Variants in CYP3A7 observed in about 807,000 individuals in gnomAD.
The protein encoded by CYP3A7 is cytochrome P450 3A7.
In CYP3A7, 45 loss-of-function variants were observed where a neutral mutation model predicts 55.2. The ratio of observed to expected loss-of-function variants is 0.82; its 90% CI spans 0.64 to 1.05. The LOEUF (loss-of-function observed/expected upper bound fraction) is 1.05. Ranked by LOEUF, CYP3A7 falls within the 50% of genes least tolerant of loss-of-function variation. The probability of loss-of-function intolerance (pLI) is 0.00; values close to 1 mark genes in which losing one functional copy is unlikely to be tolerated. For missense variants in CYP3A7, 548 were observed against 605.3 expected, an observed-to-expected ratio of 0.91 and a Z score of 0.99; for synonymous variants, 180 against 207.4, an observed-to-expected ratio of 0.87 and a Z score of 1.13.
At chr7:99,713,781 T>G (rs1417473031) in intron 8 of CYP3A7, among the ~76,000 whole-genome samples, 2 of 152,220 alleles carry the variant, frequency 1.3e-5, no homozygotes, top group Non-Finnish European at 2.9e-5. Context: ...TGGTCCTAAC[T>G]GCATACCCAT....
intron 7 of CYP3A7, 34 bp from the exon 8 acceptor site, chr7:99,714,716 C>G: frequency 6.2e-7 from 1 of 1,602,458 alleles, no homozygotes; most frequent in Non-Finnish European, 8.5e-7. Context: ...AAAACGAAAC[C>G]ATTGTGAACA....
In CYP3A7 at chr7:99,728,756, G is replaced by C. The variant is rs151115280; in HGVS notation, c.165+2303C>G. ...AGTTATTCCTCTAATCCCTCTACTTGTAGGGTTAGGACTTTCTGCTTCCAC... is the reference window on the plus strand; with the variant it reads ...AGTTATTCCTCTAATCCCTCTACTTCTAGGGTTAGGACTTTCTGCTTCCAC... On this transcript the variant is annotated intron_variant, in intron 2 of 12. Coordinates refer to ENST00000336374, the MANE Select transcript of CYP3A7 (RefSeq NM_000765.5). Among the ~76,000 whole-genome samples the C allele has an allele frequency of 3.3e-4, 50 of 152,252 alleles. No homozygotes were observed. The East Asian group carries it at 8.3e-3, about 25-fold the overall frequency.
rs376110902 is a variant in CYP3A7 at position 99,709,294 on chromosome 7, A to C, written c.1027-33T>G. ...GAAAGAAACAGATTTGGATAAATTGAGATTTTTGAATTAACTTTTAACTCA... is the reference window on the plus strand; with the variant it reads ...GAAAGAAACAGATTTGGATAAATTGCGATTTTTGAATTAACTTTTAACTCA... On this transcript the variant is annotated intron_variant, in intron 10 of 12. Coordinates refer to ENST00000336374, the MANE Select transcript of CYP3A7 (RefSeq NM_000765.5). 26 of 1,605,186 alleles carry C rather than the reference A, an allele frequency of 1.6e-5. No homozygotes were observed. In the South Asian group the frequency reaches 2.7e-4, roughly 16 times the overall value.
At chr7:99,715,716 T>C in intron 7 of CYP3A7, 42 bp downstream of exon 7, 1 of 1,613,204 alleles carries the variant, frequency 6.2e-7, no homozygotes, top group South Asian at 1.1e-5. Context: ...AGCAGTTATT[T>C]TTAAGAGAGA....
At chr7:99,716,302 C>T (rs991320655) in intron 6 of CYP3A7, among the ~76,000 whole-genome samples, 3 of 152,150 alleles carry the variant, frequency 2.0e-5, no homozygotes, top group Admixed American at 6.5e-5. Flanking sequence ...AGACAGGTGA[C>T]ATTGCCTGAC....
chr7:99,711,544 G>A (rs1041802235), intron 9 of CYP3A7, among the ~76,000 whole-genome samples: 32 of 152,248 alleles, frequency 2.1e-4, no homozygotes, highest in East Asian at 5.8e-4. Context: ...CAAGGTGGGT[G>A]GATCACCCGA....
chr7:99,719,099 T>C (rs1262571335), intron 4 of CYP3A7, among the ~76,000 whole-genome samples: 2 of 152,202 alleles, frequency 1.3e-5, no homozygotes, highest in Non-Finnish European at 1.5e-5. Flanking sequence ...TACATTTAAT[T>C]CAATTCTTGT....
At chr7:99,723,557 C>G (rs1814291227) in intron 2 of CYP3A7, among the ~76,000 whole-genome samples, 1 of 152,156 alleles carries the variant, frequency 6.6e-6, no homozygotes, top group African/African-American at 2.4e-5. Context: ...GTGGTCTCTT[C>G]ACATGGACGC....
intron 6 of CYP3A7, 56 bp from the exon 7 acceptor site, chr7:99,715,962 C>G (rs533367240): frequency 1.2e-6 from 2 of 1,611,926 alleles, no homozygotes; most frequent in East Asian, 2.2e-5. Context: ...CATCCTTCCT[C>G]TATGCGTGCA....
chr7:99,715,726 AG>A, intron 7 of CYP3A7, 31 bp downstream of exon 7: 1 of 1,613,444 alleles, frequency 6.2e-7, no homozygotes, highest in Non-Finnish European at 8.5e-7. Context: ...TTTAAGAGAG[AG>A]GGAGAGAAAA....
chr7:99,723,906 C>T (rs537511238), intron 2 of CYP3A7, among the ~76,000 whole-genome samples: 1 of 152,304 alleles, frequency 6.6e-6, no homozygotes, highest in African/African-American at 2.4e-5. Context: ...AAATCACTGC[C>T]AGGACACCTG....
Position 99,714,602 on chromosome 7 carries a change from T to C in CYP3A7, c.751A>G (p.Lys251Glu), listed in dbSNP as rs753650723. 6.2e-7 allele frequency: 1 copy of C among 1,613,446 alleles called. No individual in the cohort carries two copies. The highest frequency in any genetic ancestry group is 8.5e-7 in the Non-Finnish European group (1 of 1,179,632). Residue 251 changes from lysine to glutamate, a missense_variant, in exon 8 of 13, where the codon AAA (lysine) becomes GAA (glutamate). Coordinates refer to ENST00000336374, the MANE Select transcript of CYP3A7 (RefSeq NM_000765.5). Reference sequence around the variant, plus strand: ...CCTTCTTTTATCTGTTTTACAGATTTTGTTAGAAAACTTATAACTTTTCTT... The same window carrying C: ...CCTTCTTTTATCTGTTTTACAGATTCTGTTAGAAAACTTATAACTTTTCTT... ...FPRKVISFLT[K>E]SVKQIKEGRL...
chr7:99,716,371 T>C (rs559226945), intron 6 of CYP3A7, among the ~76,000 whole-genome samples: 16 of 152,210 alleles, frequency 1.1e-4, no homozygotes, highest in Non-Finnish European at 2.2e-4. Context: ...AACAGTACCA[T>C]GTCCTGAGCT....
At chr7:99,730,963 T>G in intron 2 of CYP3A7, 96 bp downstream of exon 2, 1 of 1,498,330 alleles carries the variant, frequency 6.7e-7, no homozygotes, top group Non-Finnish European at 9.2e-7. Flanking sequence ...GTATAAAATC[T>G]CAGACCTTCC....
Position 99,714,717 on chromosome 7 carries a change from A to G in CYP3A7, c.671-35T>C, listed in dbSNP as rs1244889918. The G allele has an allele frequency of 2.5e-6, 4 of 1,603,324 alleles. No homozygotes were observed. The African/African-American group carries it at 4.0e-5, about 16-fold the overall frequency. On this transcript the variant is annotated intron_variant, in intron 7 of 12. Coordinates refer to ENST00000336374, the MANE Select transcript of CYP3A7 (RefSeq NM_000765.5). ...AAAAAAACCAACAGAAAACGAAACC[A>G]TTGTGAACATACAAAATTTACCTGG...
chr7:99,728,690 C>T lies in CYP3A7; in HGVS notation c.165+2369G>A, dbSNP rs143833084. Among the ~76,000 whole-genome samples the T allele has an allele frequency of 4.7e-3, 713 of 152,302 alleles. 5 individuals carry two copies. Among genetic ancestry groups the T allele is most frequent in the African/African-American group, 0.016 (660 of 41,568 alleles). ...AATTCAATTTGCAAATGGGACTGAACAACTTCCTGTCCCCCTCATGACACC... is the reference window on the plus strand; with the variant it reads ...AATTCAATTTGCAAATGGGACTGAATAACTTCCTGTCCCCCTCATGACACC... On this transcript the variant is annotated intron_variant, in intron 2 of 12. Coordinates refer to ENST00000336374, the MANE Select transcript of CYP3A7 (RefSeq NM_000765.5).
At chr7:99,717,136 C>G (rs1431350856) in intron 6 of CYP3A7, 41 bp downstream of exon 6, 14 of 1,611,962 alleles carry the variant, frequency 8.7e-6, no homozygotes, top group African/African-American at 1.3e-5. Flanking sequence ...GCTGGAGGGG[C>G]TCATGACAGC....
chr7:99,725,095 C>T lies in CYP3A7; in HGVS notation c.166-2747G>A, dbSNP rs527501155. Among the ~76,000 whole-genome samples, 4 of 152,148 alleles carry T rather than the reference C, an allele frequency of 2.6e-5. No individual in the cohort carries two copies. In the South Asian group the frequency reaches 8.3e-4, roughly 32 times the overall value. ...GAGATTACATGGTCTCCTGCCTAGT[C>T]AAGGGGTTCAAAAAAGCAGCATACA... On this transcript the variant is annotated intron_variant, in intron 2 of 12. Coordinates refer to ENST00000336374, the MANE Select transcript of CYP3A7 (RefSeq NM_000765.5).
Position 99,714,688 on chromosome 7 carries a change from GAAA to G in CYP3A7, c.671-9_671-7del, listed in dbSNP as rs4646463. On this transcript the variant is annotated splice_polypyrimidine_tract_variant and splice_region_variant and intron_variant, in intron 7 of 12. Transcript: ENST00000336374. ...GGTAAGGAATGGAAAGACTTCTGTA[GAAA>G]AAAAAAACCAACAGAAAACGAAACC... The G allele has an allele frequency of 1.0e-5, 15 of 1,429,488 alleles. No homozygotes were observed. Among genetic ancestry groups the G allele is most frequent in the Non-Finnish European group, 1.2e-5 (13 of 1,052,932 alleles). 88.6% of individuals were successfully genotyped at this position (1,429,488 alleles called of 1,614,324 possible). A position where few individuals can be genotyped will look rare whatever the true frequency, so the allele number is the denominator to read the frequency against.
Sources: gnomAD v4.1 joint callset for allele counts (sites outside exome capture counted in the v4.1 genomes callset) on GRCh38, gnomAD v4.1.1 for gene constraint, MANE v1.5 for transcripts, NCBI Gene and HGNC (gene_info 2026-07-23, HGNC 2026-07-21) for gene names.